The following LMNB1 variants were observed in gnomAD, a reference collection of about 807,000 sequenced individuals.
The protein encoded by LMNB1 is lamin B1.
A neutral mutation model predicts 67.1 loss-of-function variants in LMNB1; 23 were observed. That is an observed-to-expected ratio of 0.34 (90% confidence interval 0.25 to 0.49). The LOEUF is 0.49. LMNB1 is among the 20% of genes least tolerant of loss of function. The pLI, the probability that LMNB1 is intolerant of heterozygous loss-of-function variation, is 0.99. For missense variants in LMNB1, 634 were observed against 746.5 expected (o/e 0.85, Z 1.76); for synonymous variants, 281 against 282.9 (o/e 0.99, Z 0.07).
intron 8 of LMNB1, among the ~76,000 whole-genome samples, chr5:126,824,693 C>CT (rs1363753309): frequency 1.3e-5 from 2 of 152,240 alleles, no homozygotes; most frequent in East Asian, 1.9e-4. Context: ...AGATTCAGTT[C>CT]TTTTTTTCAG....
At chr5:126,816,278 A>G (rs57232719) in intron 5 of LMNB1, among the ~76,000 whole-genome samples, 2 of 152,272 alleles carry the variant, frequency 1.3e-5, no homozygotes, top group East Asian at 3.9e-4. Context: ...ATGTCAAGTC[A>G]TATACTACTC....
chr5:126,801,242 C>G (rs1326068493), intron 1 of LMNB1, among the ~76,000 whole-genome samples: 1 of 151,702 alleles, frequency 6.6e-6, no homozygotes, highest in African/African-American at 2.4e-5. Flanking sequence ...TGAGCCACCG[C>G]ACTTGGCCAA....
At chr5:126,819,494 ATTTATTTATTTT>A (rs1751808419) in intron 6 of LMNB1, among the ~76,000 whole-genome samples, 1 of 146,660 alleles carries the variant, frequency 6.8e-6, no homozygotes, top group Admixed American at 6.9e-5. Context: ...TTATTTATTT[ATTTATTTATTTT>A]TGAGACAGAG....
intron 4 of LMNB1, among the ~76,000 whole-genome samples, chr5:126,811,347 C>T (rs550416309): frequency 2.6e-5 from 4 of 152,190 alleles, no homozygotes; most frequent in Admixed American, 1.3e-4. Context: ...CTGGTTTGAA[C>T]GAATCTATAA....
intron 1 of LMNB1, among the ~76,000 whole-genome samples, chr5:126,787,958 G>A (rs905170775): frequency 9.2e-5 from 14 of 151,930 alleles, no homozygotes; most frequent in African/African-American, 3.4e-4. Flanking sequence ...GATCATTCTG[G>A]CTATGCTGTG....
intron 3 of LMNB1, among the ~76,000 whole-genome samples, chr5:126,806,812 C>G (rs1032455982): frequency 4.6e-5 from 7 of 151,594 alleles, no homozygotes; most frequent in Non-Finnish European, 5.9e-5. Flanking sequence ...GAGACCCGCT[C>G]TGTCGCCCAG....
Position 126,807,171 on chromosome 5 carries a change from A to C in LMNB1, c.642+1475A>C, listed in dbSNP as rs1274566111. Reference sequence around the variant, plus strand: ...CCGTTGTCAAACAAAGGAAGTAATAAAATTGAGGAAAGGGGAATGTATATT... The same window carrying C: ...CCGTTGTCAAACAAAGGAAGTAATACAATTGAGGAAAGGGGAATGTATATT... On this transcript the variant is annotated intron_variant, in intron 3 of 10. Transcript: ENST00000261366. Among the ~76,000 whole-genome samples the C allele has an allele frequency of 2.6e-5, 4 of 152,346 alleles. No individual in the cohort carries two copies. In the East Asian group the frequency reaches 7.7e-4, roughly 29 times the overall value.
chr5:126,827,941 C>T (rs1179103435), intron 9 of LMNB1, among the ~76,000 whole-genome samples: 1 of 152,114 alleles, frequency 6.6e-6, no homozygotes, highest in Non-Finnish European at 1.5e-5. Context: ...TGTTCTCACT[C>T]ACTAGAGGAA....
chr5:126,818,982 A>G lies in LMNB1; in HGVS notation c.1000A>G (p.Asn334Asp). The change falls in exon 6 of 11, where the codon AAC becomes GAC. Residue 334 changes from asparagine (N) to aspartate (D), a missense_variant. Physicochemically the swap from Asn to Asp is conservative, Grantham distance 23 (BLOSUM62 1). Transcript: ENST00000261366. ...GGACTTGCTTGCTAAAGAAAAAGACAACTCTCGTCGCATGCTGACAGACAA... is the reference window on the plus strand; with the variant it reads ...GGACTTGCTTGCTAAAGAAAAAGACGACTCTCGTCGCATGCTGACAGACAA... ...LEDLLAKEKDNSRRMLTDKER... is the reference protein window; with the variant it reads ...LEDLLAKEKDDSRRMLTDKER... 1 of 1,614,216 alleles carries G rather than the reference A, an allele frequency of 6.2e-7. No individual in the cohort carries two copies. The highest frequency in any genetic ancestry group is 2.2e-5 in the East Asian group (1 of 44,874).
intron 9 of LMNB1, among the ~76,000 whole-genome samples, chr5:126,830,662 CT>C (rs1442199907): frequency 6.6e-6 from 1 of 152,138 alleles, no homozygotes. Flanking sequence ...GGCTAATAGT[CT>C]TAAGCTACAT....
intron 1 of LMNB1, among the ~76,000 whole-genome samples, chr5:126,794,515 A>T (rs2112938813): frequency 6.6e-6 from 1 of 152,326 alleles, no homozygotes; most frequent in African/African-American, 2.4e-5. Flanking sequence ...GCATGGCTAG[A>T]TATAAGAGAC....
At chr5:126,810,786 T>G (rs922297589) in intron 4 of LMNB1, among the ~76,000 whole-genome samples, 1 of 152,226 alleles carries the variant, frequency 6.6e-6, no homozygotes, top group South Asian at 2.1e-4. Context: ...CACTTCCGGC[T>G]TTTTTGCATA....
At chr5:126,825,948 C>T in intron 8 of LMNB1, 40 bp from the exon 9 acceptor site, 1 of 1,612,220 alleles carries the variant, frequency 6.2e-7, no homozygotes, top group South Asian at 1.1e-5. Flanking sequence ...TGTGGGAGAA[C>T]TGGGTTCTGG....
Position 126,777,810 on chromosome 5 carries a change from C to T in LMNB1, c.302C>T (p.Ala101Val), listed in dbSNP as rs1415173546. 8.7e-6 allele frequency: 13 copies of T among 1,488,680 alleles called. No individual in the cohort carries two copies. The highest frequency in any genetic ancestry group is 1.2e-5 in the Non-Finnish European group (13 of 1,117,240). The allele number at this position is 1,488,680 out of a possible 1,614,324, so 92.2% of individuals were successfully genotyped here. The change falls in exon 1 of 11, where the codon GCC becomes GTC. Residue 101 changes from alanine (A) to valine (V), a missense_variant. Ala to Val is a moderately conservative substitution (Grantham distance 64). Transcript: ENST00000261366. Reference protein sequence around the residue: ...RALDDTARERAKLQIELGKCK... With the variant: ...RALDDTARERVKLQIELGKCK... ...CTCGACGACACGGCCCGCGAGCGCGCCAAGCTGCAGATCGAGCTGGGCAAG... is the reference window on the plus strand; with the variant it reads ...CTCGACGACACGGCCCGCGAGCGCGTCAAGCTGCAGATCGAGCTGGGCAAG...
intron 5 of LMNB1, 134 bp downstream of exon 5, chr5:126,812,032 C>A: frequency 2.6e-6 from 2 of 768,206 alleles, no homozygotes; most frequent in South Asian, 1.9e-5. Flanking sequence ...GTGCTTTCGT[C>A]TTCACAGTAC....
At chr5:126,796,852 A>T (rs1251608296) in intron 1 of LMNB1, among the ~76,000 whole-genome samples, 1 of 135,706 alleles carries the variant, frequency 7.4e-6, no homozygotes, top group African/African-American at 2.8e-5. Context: ...CAGTGGCACG[A>T]TCTCAGCTCA....
At chr5:126,801,705 A>G (rs537418184) in intron 1 of LMNB1, among the ~76,000 whole-genome samples, 1 of 152,360 alleles carries the variant, frequency 6.6e-6, no homozygotes, top group Non-Finnish European at 1.5e-5. Flanking sequence ...AATAACTTGT[A>G]AAGTTGACAT....
Position 126,777,739 on chromosome 5 carries a change from C to T in LMNB1, c.231C>T (p.Gly77=). The change falls in exon 1 of 11, where the codon GGC becomes GGT. Residue 77 remains glycine (G), a synonymous_variant. Transcript: ENST00000261366. ...AGGTGCGCGGCCGTGAGCTCACCGG[C>T]CTCAAGGCGCTCTACGAGACCGAGC... ...REEVRGRELT[G]LKALYETELA... The T allele has an allele frequency of 6.5e-7, 1 of 1,538,672 alleles. No homozygotes were observed. Among genetic ancestry groups the T allele is most frequent in the Non-Finnish European group, 8.8e-7 (1 of 1,141,368 alleles).
intron 1 of LMNB1, among the ~76,000 whole-genome samples, chr5:126,801,683 G>A (rs72798255): frequency 0.055 from 8,418 of 152,240 alleles, 260 homozygotes; most frequent in Middle Eastern, 0.095. Flanking sequence ...GATTTTACAG[G>A]TTGTTCCATA....
Sources: gnomAD v4.1 joint callset for allele counts (sites outside exome capture counted in the v4.1 genomes callset) on GRCh38, gnomAD v4.1.1 for gene constraint, MANE v1.5 for transcripts, NCBI Gene and HGNC (gene_info 2026-07-23, HGNC 2026-07-21) for gene names.